MBNL1: variants seen among roughly 807,000 people sequenced by gnomAD.
MBNL1 encodes the protein muscleblind like splicing regulator 1.
Under a neutral mutation model 42.2 loss-of-function variants are expected in MBNL1, and 8 were observed. That is an observed-to-expected ratio of 0.19 (90% CI 0.11 to 0.34). The LOEUF (loss-of-function observed/expected upper bound fraction) is 0.34, where lower values mean the gene tolerates loss of function less well. Ranked by LOEUF, MBNL1 falls within the 10% of genes least tolerant of loss-of-function variation. MBNL1 has a pLI of 1.00. For synonymous variants in MBNL1, 169 were observed against 173.9 expected (o/e 0.97, Z 0.22); for missense variants, 309 against 495.3 (o/e 0.62, Z 3.57).
chr3:152,303,134 T>G (rs2061427963), intron 2 of MBNL1, among the ~76,000 whole-genome samples: 1 of 152,184 alleles, frequency 6.6e-6, no homozygotes, highest in East Asian at 1.9e-4. Context: ...CTATTTTAGT[T>G]GCATACTGAT....
At chr3:152,249,040 T>C (rs1366864538) in intron 2 of MBNL1, among the ~76,000 whole-genome samples, 4 of 150,874 alleles carry the variant, frequency 2.7e-5, no homozygotes, top group Non-Finnish European at 5.9e-5. Flanking sequence ...GGGTTGGTTC[T>C]AAGTTTTTGC....
chr3:152,306,354 G>A (rs915162902), intron 2 of MBNL1, among the ~76,000 whole-genome samples: 6 of 152,126 alleles, frequency 3.9e-5, no homozygotes, highest in Non-Finnish European at 5.9e-5. Flanking sequence ...TGGAACTCAG[G>A]TTCCTTCTCT....
At chr3:152,416,504 C>T (rs1376806865) in intron 3 of MBNL1, among the ~76,000 whole-genome samples, 2 of 152,206 alleles carry the variant, frequency 1.3e-5, no homozygotes, top group East Asian at 3.8e-4. Flanking sequence ...ACTTGGCTCT[C>T]ACATACAGTT....
chr3:152,458,883 T>G (rs1739246529), intron 8 of MBNL1: 1 of 158,352 alleles, frequency 6.3e-6, no homozygotes, highest in Non-Finnish European at 1.4e-5. Flanking sequence ...GAAATTTGGT[T>G]GCACAAAAAT....
intron 7 of MBNL1, 79 bp downstream of exon 7, chr3:152,455,656 A>G: frequency 7.9e-7 from 1 of 1,266,074 alleles, no homozygotes; most frequent in Middle Eastern, 1.9e-4. Flanking sequence ...TGCTAAGTTT[A>G]ACTTATATCT....
chr3:152,292,763 TTTAA>T (rs1369955543), intron 1 of MBNL1, among the ~76,000 whole-genome samples: 1 of 152,180 alleles, frequency 6.6e-6, no homozygotes, highest in East Asian at 1.9e-4. Flanking sequence ...TAAAAATTTA[TTTAA>T]TTAATACTTT....
At chr3:152,337,365 A>G (rs2090979561) in intron 2 of MBNL1, among the ~76,000 whole-genome samples, 1 of 152,164 alleles carries the variant, frequency 6.6e-6, no homozygotes, top group Non-Finnish European at 1.5e-5. Flanking sequence ...CACGCCTGTA[A>G]TGCCAGTACT....
At chr3:152,257,915 C>T (rs1194380922) in intron 2 of MBNL1, among the ~76,000 whole-genome samples, 3 of 152,144 alleles carry the variant, frequency 2.0e-5, no homozygotes, top group Non-Finnish European at 2.9e-5. Flanking sequence ...TTGTCTTTCT[C>T]ATGTTTTTGC....
intron 2 of MBNL1, among the ~76,000 whole-genome samples, chr3:152,321,649 T>C (rs1405581844): frequency 6.6e-6 from 1 of 152,018 alleles, no homozygotes; most frequent in Non-Finnish European, 1.5e-5. Flanking sequence ...GCAGGTCTAA[T>C]TTTCTAATCT....
At chr3:152,452,800 A>G (rs1725989710) in intron 6 of MBNL1, among the ~76,000 whole-genome samples, 1 of 152,032 alleles carries the variant, frequency 6.6e-6, no homozygotes, top group African/African-American at 2.4e-5. Context: ...TATCTCCCTC[A>G]ATCAGTGTTG....
intron 2 of MBNL1, among the ~76,000 whole-genome samples, chr3:152,322,164 T>G (rs2076851446): frequency 6.6e-6 from 1 of 152,134 alleles, no homozygotes; most frequent in African/African-American, 2.4e-5. Flanking sequence ...GCTGTTAGGT[T>G]TCTAACTCCA....
chr3:152,279,961 G>A (rs897977890), intron 1 of MBNL1, among the ~76,000 whole-genome samples: 3 of 152,100 alleles, frequency 2.0e-5, no homozygotes, highest in Non-Finnish European at 4.4e-5. Flanking sequence ...CTGTCACTTT[G>A]CTAACAAATT....
In MBNL1 at chr3:152,300,246, T is replaced by C. The variant is rs1396771635; in HGVS notation, c.53T>C (p.Val18Ala). 6.2e-7 allele frequency: 1 copy of C among 1,613,662 alleles called. No individual in the cohort carries two copies. Among genetic ancestry groups the C allele is most frequent in the Admixed American group, 1.7e-5 (1 of 59,980 alleles). ...IRDTKWLTLE[V>A]CREFQRGTCS... Reference sequence around the variant, plus strand: ...GACACAAAATGGCTAACACTGGAAGTATGTAGAGAGTTCCAGAGGGGGACT... The same window carrying C: ...GACACAAAATGGCTAACACTGGAAGCATGTAGAGAGTTCCAGAGGGGGACT... Residue 18 changes from valine (V) to alanine (A), a missense_variant, in exon 2 of 10, where the codon GTA becomes GCA. Physicochemically the swap from Val to Ala is moderately conservative, Grantham distance 64 (BLOSUM62 0). Transcript: ENST00000324210.
intron 7 of MBNL1, 130 bp from the exon 8 acceptor site, chr3:152,456,137 G>C: frequency 1.5e-6 from 1 of 671,498 alleles, no homozygotes; most frequent in Non-Finnish European, 2.8e-6. Context: ...TCACTCGCTG[G>C]TGATGATGTC....
At chr3:152,311,972 C>T (rs1343172967) in intron 2 of MBNL1, among the ~76,000 whole-genome samples, 3 of 151,732 alleles carry the variant, frequency 2.0e-5, no homozygotes, top group African/African-American at 4.8e-5. Context: ...GGGCGGATCA[C>T]GAGGTCAGGA....
At chr3:152,447,594 GT>G in intron 5 of MBNL1, 25 bp from the exon 6 acceptor site, 1 of 1,581,074 alleles carries the variant, frequency 6.3e-7, no homozygotes, top group Non-Finnish European at 8.6e-7. Flanking sequence ...ACTGGTATTT[GT>G]TTTTTATACT....
intron 2 of MBNL1, among the ~76,000 whole-genome samples, chr3:152,257,953 CA>C (rs1170716236): frequency 6.6e-6 from 1 of 152,074 alleles, no homozygotes; most frequent in African/African-American, 2.4e-5. Context: ...AAAGTTCGAC[CA>C]AAGAAACCTG....
intron 6 of MBNL1, among the ~76,000 whole-genome samples, chr3:152,451,869 G>A (rs1011816184): frequency 1.3e-5 from 2 of 151,992 alleles, no homozygotes; most frequent in African/African-American, 4.8e-5. Flanking sequence ...TTCATTTTAC[G>A]AATGAGTAAT....
chr3:152,335,291 C>T (rs764710577), intron 2 of MBNL1: 27 of 1,280,240 alleles, frequency 2.1e-5, no homozygotes, highest in Admixed American at 1.6e-4. Flanking sequence ...TAGGCCTGCT[C>T]GCTCAAGGCC....
Sources: gnomAD v4.1 joint callset for allele counts (sites outside exome capture counted in the v4.1 genomes callset) on GRCh38, gnomAD v4.1.1 for gene constraint, MANE v1.5 for transcripts, NCBI Gene and HGNC (gene_info 2026-07-23, HGNC 2026-07-21) for gene names.